The following SPTBN2 variants were observed in gnomAD, a reference collection of about 807,000 sequenced individuals.
SPTBN2 encodes spectrin beta chain, non-erythrocytic 2.
Under a neutral mutation model 284.2 loss-of-function variants are expected in SPTBN2, and 107 were observed. That is an observed-to-expected ratio of 0.38 (90% CI 0.32 to 0.44). SPTBN2 has a LOEUF of 0.44. SPTBN2 is among the 20% of genes least tolerant of loss of function. The pLI is 1.00. For synonymous variants in SPTBN2, 1,289 were observed against 1,354.8 expected, an observed-to-expected ratio of 0.95 and a Z score of 1.07; for missense variants, 2,569 against 3,287.1, an observed-to-expected ratio of 0.78 and a Z score of 5.34.
Position 66,693,366 on chromosome 11 carries a change from T to C in SPTBN2, c.4674A>G (p.Ala1558=). Residue 1558 remains alanine, a synonymous_variant, in exon 24 of 38, where the codon GCA becomes GCG. Coordinates refer to ENST00000533211, the MANE Select transcript of SPTBN2 (RefSeq NM_006946.4). The surrounding 1 kb of genome is among the most constrained non-coding windows in gnomAD (Gnocchi z 5.7). ...RERQRALGAA[A]AGPELAELQE... is the part of the protein sequence containing the mutation. ...GCAGCTCAGCCAGCTCTGGACCTGC[T>C]GCTGCTGCACCTAGAGCACGCTGCC... 1 of 1,605,282 alleles carries C rather than the reference T, an allele frequency of 6.2e-7. No individual in the cohort carries two copies. Among genetic ancestry groups the C allele is most frequent in the African/African-American group, 1.3e-5 (1 of 75,072 alleles).
At chr11:66,703,090 TA>T (rs1272791951) in intron 15 of SPTBN2, among the ~76,000 whole-genome samples, 3 of 152,012 alleles carry the variant, frequency 2.0e-5, no homozygotes, top group African/African-American at 7.2e-5. Context: ...TATTTTTATT[TA>T]TTTTTTTGAG....
intron 1 of SPTBN2, among the ~76,000 whole-genome samples, chr11:66,724,109 A>G (rs1396007600): frequency 2.0e-5 from 3 of 152,212 alleles, no homozygotes; most frequent in Non-Finnish European, 4.4e-5. Flanking sequence ...TTGCTGGGCC[A>G]ATAAGCTATT....
intron 21 of SPTBN2, 49 bp downstream of exon 21, chr11:66,696,228 G>A (rs1300303176): frequency 1.2e-6 from 2 of 1,601,742 alleles, no homozygotes; most frequent in South Asian, 2.2e-5. Flanking sequence ...GAAAGCTGCA[G>A]CCCCTTTCTT....
upstream of SPTBN2, among the ~76,000 whole-genome samples, chr11:66,732,694 G>T (rs1334581460): frequency 2.0e-5 from 3 of 150,416 alleles, no homozygotes; most frequent in African/African-American, 7.3e-5. Context: ...GGCTGCGCGC[G>T]GTGGCTCACG....
At position 66,684,431 on chromosome 11, in the gene SPTBN2, C is replaced by T. The variant is rs781547799; in HGVS notation, c.*1440G>A. Among the ~76,000 whole-genome samples the T allele has an allele frequency of 4.6e-5, 7 of 152,064 alleles. No individual in the cohort carries two copies. Among genetic ancestry groups the T allele is most frequent in the Non-Finnish European group, 8.8e-5 (6 of 68,000 alleles). ...AGAGAATCACTTGGGCCCAGGAATT[C>T]GAGACCGACCTGGGCAACATAGTGA... On this transcript the variant is annotated 3_prime_UTR_variant, in exon 38 of 38. Transcript: ENST00000533211.
intron 1 of SPTBN2, chr11:66,744,508 G>C (rs1346378512): frequency 5.3e-6 from 1 of 187,208 alleles, no homozygotes; most frequent in Non-Finnish European, 1.1e-5. Context: ...TTGAGAGGAG[G>C]GAGGAGTCGT....
chr11:66,703,258 A>T (rs934591639), intron 15 of SPTBN2, among the ~76,000 whole-genome samples: 6 of 151,638 alleles, frequency 4.0e-5, no homozygotes, highest in East Asian at 2.0e-4. Context: ...TAAAAAAAAA[A>T]TTTTGTAGAG....
In SPTBN2 at chr11:66,688,860, C is replaced by A. The variant is rs368380816; in HGVS notation, c.6035-11G>T. The A allele has an allele frequency of 6.3e-7, 1 of 1,587,508 alleles. No individual in the cohort carries two copies. The highest frequency in any genetic ancestry group is 1.1e-5 in the South Asian group (1 of 90,626). On this transcript the variant is annotated splice_polypyrimidine_tract_variant and intron_variant, in intron 30 of 37. Transcript: ENST00000533211. ...CAAGCACCTCCAAAACTGGCAGGAT[C>A]GGGGGTTGCAGGAAGATGGTGGGTC...
At chr11:66,714,438 C>G (rs980546180) in intron 5 of SPTBN2, 31 bp from the exon 6 acceptor site, 1 of 1,571,986 alleles carries the variant, frequency 6.4e-7, no homozygotes, top group Non-Finnish European at 8.8e-7. Context: ...GCCCTCAGTC[C>G]CTGGACAGGA....
In SPTBN2 at chr11:66,694,295, C is replaced by T. The variant is rs1310614435; in HGVS notation, c.4347G>A (p.Leu1449=). The change falls in exon 22 of 38, where the codon CTG becomes CTA. Residue 1449 remains leucine, a synonymous_variant. Coordinates refer to ENST00000533211, the MANE Select transcript of SPTBN2 (RefSeq NM_006946.4). The stretch of plus-strand genomic sequence containing the variant: ...CCCCTGCACCCTGGTCCTCCTGGGC[C>T]AGTGCTTTGGCCTGGGCCTGGATTG... The part of the protein sequence containing the change: ...VEAIQAQAKA[L]AQEDQGAGEV... 2 of 1,614,230 alleles carry T rather than the reference C, an allele frequency of 1.2e-6. No individual in the cohort carries two copies. The highest frequency in any genetic ancestry group is 2.2e-5 in the East Asian group (1 of 44,886).
rs931170526 is a variant in SPTBN2, at chr11:66,707,922, C to A, written c.1351-104G>T. 1 of 1,477,278 alleles carries A rather than the reference C, an allele frequency of 6.8e-7. No homozygotes were observed. 91.5% of individuals were successfully genotyped at this position (1,477,278 alleles called of 1,614,324 possible). On this transcript the variant is annotated intron_variant, in intron 12 of 37. Coordinates refer to ENST00000533211, the MANE Select transcript of SPTBN2 (RefSeq NM_006946.4). This position sits in a 1 kb window ranked among gnomAD's most constrained non-coding sequence, Gnocchi z 4.9. ...TGGCCTGCAAGATCCCAGCTCCATG[C>A]GGTGGCTCTAAGTTCCCTCTCTATC...
intron 3 of SPTBN2, among the ~76,000 whole-genome samples, chr11:66,716,279 C>A (rs890757782): frequency 6.6e-6 from 1 of 152,178 alleles, no homozygotes; most frequent in Non-Finnish European, 1.5e-5. Context: ...GTCAGGAGAT[C>A]GAGACCATCC....
At position 66,685,617 on chromosome 11, in the gene SPTBN2, A is replaced by G. The variant is rs1404751317; in HGVS notation, c.*254T>C. On this transcript the variant is annotated 3_prime_UTR_variant, in exon 38 of 38. Coordinates refer to ENST00000533211, the MANE Select transcript of SPTBN2 (RefSeq NM_006946.4). The surrounding 1 kb of genome is among the most constrained non-coding windows in gnomAD (Gnocchi z 4.4). ...GAGGGACAGAGGCACGAGGCTGGGGAAAGGGGAGAAGTCGGCGGGGGTGGG... is the reference window on the plus strand; with the variant it reads ...GAGGGACAGAGGCACGAGGCTGGGGGAAGGGGAGAAGTCGGCGGGGGTGGG... 6 of 504,626 alleles carry G rather than the reference A, an allele frequency of 1.2e-5. No homozygotes were observed. The highest frequency in any genetic ancestry group is 3.6e-6 in the Non-Finnish European group (1 of 275,046). 31.3% of individuals were successfully genotyped at this position (504,626 alleles called of 1,614,324 possible).
intron 1 of SPTBN2, chr11:66,728,517 A>G (rs1425073036): frequency 6.8e-6 from 1 of 147,110 alleles, no homozygotes; most frequent in Non-Finnish European, 1.5e-5. Context: ...TTCCCCGCCC[A>G]GCGCCATGGC....
At chr11:66,711,242 G>A (rs1941847768) in intron 8 of SPTBN2, among the ~76,000 whole-genome samples, 1 of 152,140 alleles carries the variant, frequency 6.6e-6, no homozygotes, top group South Asian at 2.1e-4. Context: ...GGCCCTCCAA[G>A]CAGAGCACAA....
chr11:66,700,542 C>G lies in SPTBN2; in HGVS notation c.3557G>C (p.Gly1186Ala). 6.2e-7 allele frequency: 1 copy of G among 1,605,050 alleles called. No homozygotes were observed. Among genetic ancestry groups the G allele is most frequent in the Non-Finnish European group, 8.5e-7 (1 of 1,179,974 alleles). ...GACTTTCACCTGGCTGCTGAGCACGCCCTCAGCCTGACGAGCATCCCGCAG... is the reference window on the plus strand; with the variant it reads ...GACTTTCACCTGGCTGCTGAGCACGGCCTCAGCCTGACGAGCATCCCGCAG... ...GFLRDARQAE[G>A]VLSSQEYVLS... Residue 1186 changes from glycine (G) to alanine (A), a missense_variant, in exon 17 of 38, where the codon GGC becomes GCC. Physicochemically the swap from Gly to Ala is moderately conservative, Grantham distance 60. Transcript: ENST00000533211. The surrounding 1 kb of genome is among the most constrained non-coding windows in gnomAD (Gnocchi z 6.6).
chr11:66,742,115 C>T (rs190550532), intron 1 of SPTBN2, among the ~76,000 whole-genome samples: 2 of 152,314 alleles, frequency 1.3e-5, no homozygotes, highest in East Asian at 3.9e-4. Flanking sequence ...AGCCACCATG[C>T]CTGATTTATT....
intron 27 of SPTBN2, 169 bp from the exon 28 acceptor site, chr11:66,690,452 A>C: frequency 1.1e-6 from 1 of 916,678 alleles, no homozygotes; most frequent in Non-Finnish European, 1.6e-6. Context: ...GGCTGGCCAC[A>C]CTCTGCCCTG....
rs1940163793 is a variant in SPTBN2 at position 66,687,009 on chromosome 11, T to C, written c.6881A>G (p.His2294Arg). ...SVAFDYRKRK[H>R]VFKLGLQDGK... ...CTGTTCCTACCCCAGCTTGAAGACA[T>C]GTTTGCGCTTTCGGTAATCAAAGGC... The change falls in exon 36 of 38, where the codon CAT becomes CGT. Residue 2294 changes from histidine (H) to arginine (R), a missense_variant. His to Arg is a conservative substitution (Grantham distance 29). Transcript: ENST00000533211. The surrounding 1 kb of genome is among the most constrained non-coding windows in gnomAD (Gnocchi z 5.2). The C allele has an allele frequency of 6.2e-7, 1 of 1,613,960 alleles. No homozygotes were observed. The highest frequency in any genetic ancestry group is 8.5e-7 in the Non-Finnish European group (1 of 1,180,018).
Sources: allele counts gnomAD v4.1 joint callset (sites outside exome capture counted in the v4.1 genomes callset), GRCh38; gene constraint gnomAD v4.1.1; non-coding constraint Gnocchi (gnomAD v3.1); transcripts MANE v1.5; gene names NCBI Gene and HGNC (gene_info 2026-07-23, HGNC 2026-07-21).